Variants in FTO observed in about 807,000 individuals in gnomAD.
The protein encoded by FTO is FTO alpha-ketoglutarate dependent dioxygenase.
FTO carries 47 observed loss-of-function variants against 63.9 expected under a neutral mutation model. The observed-to-expected ratio is 0.74, with a 90% CI of 0.58 to 0.94. The LOEUF is 0.94. Among genes scored for constraint, FTO ranks in the 40% least tolerant of loss-of-function variants. The pLI is 0.00. For synonymous variants in FTO, 207 were observed against 224.4 expected (o/e 0.92, Z 0.69); for missense variants, 562 against 618.1 (o/e 0.91, Z 0.96).
intron 8 of FTO, among the ~76,000 whole-genome samples, chr16:54,097,276 C>T (rs2540773): frequency 0.065 from 9,899 of 152,004 alleles, 1,095 homozygotes; most frequent in African/African-American, 0.22. Flanking sequence ...CCAGTGCTCT[C>T]CCTACTATAC....
intron 1 of FTO, among the ~76,000 whole-genome samples, chr16:53,728,071 T>A (rs952437872): frequency 3.0e-4 from 45 of 152,046 alleles, no homozygotes; most frequent in African/African-American, 9.7e-4. Context: ...AGACCCTGTC[T>A]CTACATGAAA....
At chr16:54,062,371 G>C (rs1291130675) in intron 8 of FTO, among the ~76,000 whole-genome samples, 1 of 152,098 alleles carries the variant, frequency 6.6e-6, no homozygotes, top group African/African-American at 2.4e-5. Flanking sequence ...TGCTTGGCAG[G>C]GGGGTGCGGC....
At chr16:54,099,549 G>A (rs985305781) in intron 8 of FTO, among the ~76,000 whole-genome samples, 1 of 152,152 alleles carries the variant, frequency 6.6e-6, no homozygotes. Flanking sequence ...AGTCATGCAA[G>A]TTTCGGGTGA....
At chr16:54,081,257 G>A (rs769939713) in intron 8 of FTO, among the ~76,000 whole-genome samples, 3 of 152,128 alleles carry the variant, frequency 2.0e-5, no homozygotes, top group Admixed American at 6.6e-5. Context: ...GGGGCTTATG[G>A]TTACAGCCCT....
chr16:54,027,820 T>A (rs1482915272), intron 8 of FTO, among the ~76,000 whole-genome samples: 3 of 152,234 alleles, frequency 2.0e-5, no homozygotes, highest in Non-Finnish European at 4.4e-5. Context: ...TACTCTTGTT[T>A]ATAGTGTATT....
chr16:53,808,371 C>T (rs2078427024), intron 1 of FTO, among the ~76,000 whole-genome samples: 1 of 151,912 alleles, frequency 6.6e-6, no homozygotes, highest in Admixed American at 6.6e-5. Flanking sequence ...ACTGGTAAGT[C>T]AACCTTTTCG....
At chr16:54,088,250 C>T (rs78638652) in intron 8 of FTO, among the ~76,000 whole-genome samples, 4,649 of 152,178 alleles carry the variant, frequency 0.031, 113 homozygotes, top group Non-Finnish European at 0.047. Context: ...ACCCACATTG[C>T]GTTTTTACTC....
In FTO at chr16:54,113,744, G is replaced by C. The variant is rs886052116; in HGVS notation, c.*1829G>C. ...TTCATTTTTTGTTATATCCCATTAGGTGCCCATATTTAAAAATTGGGAGAT... is the reference window on the plus strand; with the variant it reads ...TTCATTTTTTGTTATATCCCATTAGCTGCCCATATTTAAAAATTGGGAGAT... On this transcript the variant is annotated 3_prime_UTR_variant, in exon 9 of 9. Transcript: ENST00000471389. The C allele has an allele frequency of 6.6e-6, 1 of 151,814 alleles. No homozygotes were observed. The highest frequency in any genetic ancestry group is 2.4e-5 in the African/African-American group (1 of 41,308). 9.4% of individuals were successfully genotyped at this position (151,814 alleles called of 1,614,324 possible). A position where few individuals can be genotyped will look rare whatever the true frequency, so the allele number is the denominator to read the frequency against.
intron 8 of FTO, among the ~76,000 whole-genome samples, chr16:54,101,449 G>A (rs533420349): frequency 2.0e-5 from 3 of 152,270 alleles, no homozygotes; most frequent in African/African-American, 7.2e-5. Flanking sequence ...TAGAAGATAC[G>A]ATCTTGTTTT....
intron 1 of FTO, among the ~76,000 whole-genome samples, chr16:53,726,685 G>C (rs1052022286): frequency 2.6e-5 from 4 of 152,212 alleles, no homozygotes; most frequent in Non-Finnish European, 5.9e-5. Context: ...TGCCTGGACA[G>C]AATGAGAACA....
intron 7 of FTO, among the ~76,000 whole-genome samples, chr16:53,891,981 A>C (rs2081161172): frequency 6.6e-6 from 1 of 152,198 alleles, no homozygotes; most frequent in African/African-American, 2.4e-5. Context: ...GATCTTTATC[A>C]GCAGAGTGAA....
intron 1 of FTO, among the ~76,000 whole-genome samples, chr16:53,790,599 AAGG>A (rs2077888327): frequency 6.6e-6 from 1 of 151,172 alleles, no homozygotes; most frequent in African/African-American, 2.4e-5. Context: ...AAAAAAAAAA[AAGG>A]AGAAACAGAT....
chr16:53,775,119 G>T (rs2077431703), intron 1 of FTO, among the ~76,000 whole-genome samples: 1 of 152,118 alleles, frequency 6.6e-6, no homozygotes, highest in South Asian at 2.1e-4. Flanking sequence ...CCATAGGAAG[G>T]CACAATAAGA....
chr16:53,859,010 G>A (rs773680901), intron 4 of FTO, among the ~76,000 whole-genome samples: 10 of 152,180 alleles, frequency 6.6e-5, no homozygotes, highest in Non-Finnish European at 1.5e-4. Context: ...TTTAGCCAGG[G>A]CTACCTTTCT....
chr16:53,814,381 T>TG (rs1460657389), intron 2 of FTO, among the ~76,000 whole-genome samples: 15 of 152,332 alleles, frequency 9.8e-5, no homozygotes, highest in African/African-American at 3.4e-4. Context: ...GTGCTAGCTG[T>TG]GTGCCAGGTT....
chr16:53,760,420 A>AT (rs1293446454), intron 1 of FTO, among the ~76,000 whole-genome samples: 1 of 150,656 alleles, frequency 6.6e-6, no homozygotes, highest in East Asian at 2.0e-4. Flanking sequence ...TGATTTTTGT[A>AT]TTTTTTGTAG....
chr16:53,933,744 C>T (rs1012856563), intron 7 of FTO, among the ~76,000 whole-genome samples: 4 of 152,054 alleles, frequency 2.6e-5, no homozygotes, highest in South Asian at 2.1e-4. Flanking sequence ...AGTAAGAATG[C>T]GCAGTATCTT....
At chr16:53,963,412 A>G (rs974080109) in intron 8 of FTO, among the ~76,000 whole-genome samples, 1 of 152,198 alleles carries the variant, frequency 6.6e-6, no homozygotes, top group African/African-American at 2.4e-5. Flanking sequence ...GCTGATTGAC[A>G]TCATTTGGAT....
intron 3 of FTO, among the ~76,000 whole-genome samples, chr16:53,829,858 G>A (rs2079099569): frequency 6.6e-6 from 1 of 152,090 alleles, no homozygotes; most frequent in African/African-American, 2.4e-5. Flanking sequence ...TTTTACAAAT[G>A]AAAACACCGA....
Sources: gnomAD v4.1 joint callset for allele counts (sites outside exome capture counted in the v4.1 genomes callset) on GRCh38, gnomAD v4.1.1 for gene constraint, MANE v1.5 for transcripts, NCBI Gene and HGNC (gene_info 2026-07-23, HGNC 2026-07-21) for gene names.